The following PTCHD4 variants were observed in gnomAD, a reference collection of about 807,000 sequenced individuals.
PTCHD4 encodes patched domain containing 4.
In PTCHD4, 33 loss-of-function variants were observed where a neutral mutation model predicts 58.1. The observed-to-expected ratio is 0.57, with a 90% CI of 0.43 to 0.76. The LOEUF (loss-of-function observed/expected upper bound fraction) is 0.76. Ranked by LOEUF, PTCHD4 falls within the 30% of genes least tolerant of loss-of-function variation. The pLI, the probability that PTCHD4 is intolerant of heterozygous loss-of-function variation, is 0.00. For missense variants in PTCHD4, 1,058 were observed against 1,027.1 expected (o/e 1.03, Z -0.41); for synonymous variants, 478 against 409.6 (o/e 1.17, Z -2.02).
intron 4 of PTCHD4, among the ~76,000 whole-genome samples, chr6:47,926,931 A>T (rs1765642978): frequency 6.6e-6 from 1 of 152,192 alleles, no homozygotes; most frequent in Admixed American, 6.5e-5. Flanking sequence ...TTATTGAAAC[A>T]CTTGCACCAT....
In PTCHD4 at chr6:48,036,068, T is replaced by A. The variant is rs144882131; in HGVS notation, c.418-26954A>T. Among the ~76,000 whole-genome samples, 3 of 152,208 alleles carry A rather than the reference T, an allele frequency of 2.0e-5. No homozygotes were observed. The East Asian group carries it at 5.8e-4, about 29-fold the overall frequency. On this transcript the variant is annotated intron_variant, in intron 3 of 4. Coordinates refer to ENST00000339488, the MANE Select transcript of PTCHD4 (RefSeq NM_001384253.1). ...ACACCCTCGAGCTTGAGAATCACTG[T>A]CCTAGAGCTTCCTCCAGTGCTTGCA...
intron 4 of PTCHD4, among the ~76,000 whole-genome samples, chr6:47,986,595 C>G (rs964225647): frequency 6.6e-6 from 1 of 152,134 alleles, no homozygotes; most frequent in Non-Finnish European, 1.5e-5. Context: ...TTCTACCTGT[C>G]TTCAACTGCT....
At chr6:48,029,344 A>G (rs891081604) in intron 3 of PTCHD4, among the ~76,000 whole-genome samples, 5 of 152,054 alleles carry the variant, frequency 3.3e-5, no homozygotes, top group African/African-American at 1.2e-4. Flanking sequence ...CAAATCTCTG[A>G]TAACATTGAG....
In PTCHD4 at chr6:47,968,444, C is replaced by T. The variant is rs114884515; in HGVS notation, c.898+40190G>A. On this transcript the variant is annotated intron_variant, in intron 4 of 4. Coordinates refer to ENST00000339488, the MANE Select transcript of PTCHD4 (RefSeq NM_001384253.1). ...ATAACACAGATACATGAAATGAACA[C>T]GTGCTTTTGGAAAAATGGCACTGAT... Among the ~76,000 whole-genome samples, 1,068 of 152,110 alleles carry T rather than the reference C, an allele frequency of 7.0e-3. 14 individuals carry two copies. Among genetic ancestry groups the T allele is most frequent in the African/African-American group, 0.023 (957 of 41,502 alleles).
chr6:47,938,418 G>A (rs917126726), intron 4 of PTCHD4, among the ~76,000 whole-genome samples: 6 of 152,144 alleles, frequency 3.9e-5, no homozygotes, highest in Non-Finnish European at 7.4e-5. Flanking sequence ...AAAGGGATTA[G>A]ATAGAAGCCA....
At chr6:48,094,025 A>G (rs562595968) in intron 1 of PTCHD4, among the ~76,000 whole-genome samples, 2 of 152,330 alleles carry the variant, frequency 1.3e-5, no homozygotes, top group Admixed American at 1.3e-4. Flanking sequence ...AGGGGTGCAT[A>G]TGAATTGTTA....
chr6:47,997,269 A>G (rs1365945676), intron 4 of PTCHD4, among the ~76,000 whole-genome samples: 10 of 152,040 alleles, frequency 6.6e-5, no homozygotes, highest in Admixed American at 6.6e-4. Context: ...TTTGTGCTAA[A>G]AAGTAGTTTT....
chr6:47,942,255 C>A (rs1766259682), intron 4 of PTCHD4, among the ~76,000 whole-genome samples: 1 of 152,202 alleles, frequency 6.6e-6, no homozygotes, highest in Admixed American at 6.5e-5. Flanking sequence ...ACATCCTAGA[C>A]AATGACACCA....
chr6:48,107,647 A>G (rs1227171281), intron 1 of PTCHD4, among the ~76,000 whole-genome samples: 1 of 152,170 alleles, frequency 6.6e-6, no homozygotes, highest in Non-Finnish European at 1.5e-5. Context: ...AGAAACCACC[A>G]TCAGAGTGAA....
rs375961617 is a variant in PTCHD4, at chr6:47,907,687, G to C, written c.899-27751C>G. 2.0e-5 allele frequency among the ~76,000 whole-genome samples: 3 copies of C among 152,238 alleles called. No individual in the cohort carries two copies. The South Asian group carries it at 6.2e-4, about 32-fold the overall frequency. On this transcript the variant is annotated intron_variant, in intron 4 of 4. Coordinates refer to ENST00000339488, the MANE Select transcript of PTCHD4 (RefSeq NM_001384253.1). ...GGTCCAGCAGGATACCAATATTTTT[G>C]ACAATAGTCGCCCCATTCCAGCAAA...
At chr6:47,918,999 G>A (rs922393343) in intron 4 of PTCHD4, among the ~76,000 whole-genome samples, 4 of 152,126 alleles carry the variant, frequency 2.6e-5, no homozygotes, top group South Asian at 2.1e-4. Flanking sequence ...GACCGAACCC[G>A]TAGTGATAGC....
chr6:47,975,042 C>T (rs1399039074), intron 4 of PTCHD4, among the ~76,000 whole-genome samples: 2 of 152,188 alleles, frequency 1.3e-5, no homozygotes, highest in East Asian at 3.9e-4. Context: ...CTCATCTCCT[C>T]TGGGAAGCCT....
intron 3 of PTCHD4, among the ~76,000 whole-genome samples, chr6:48,010,475 A>C (rs971425623): frequency 6.6e-6 from 1 of 152,190 alleles, no homozygotes; most frequent in Non-Finnish European, 1.5e-5. Context: ...TTACATTTTT[A>C]ACATGTGACA....
intron 4 of PTCHD4, among the ~76,000 whole-genome samples, chr6:47,982,796 A>C (rs1284449293): frequency 1.3e-5 from 2 of 152,054 alleles, no homozygotes; most frequent in East Asian, 1.9e-4. Flanking sequence ...CGTCTGTTTT[A>C]TCTCTTTAGC....
rs1476970457 is a variant in PTCHD4, at chr6:48,008,688, T to A, written c.844A>T (p.Ile282Phe). Residue 282 changes from isoleucine (I) to phenylalanine (F), a missense_variant, in exon 4 of 5, where the codon ATC (isoleucine) becomes TTC (phenylalanine). Physicochemically the swap from Ile to Phe is conservative, Grantham distance 21. Transcript: ENST00000339488. ...GTGGAGTTGTACTTTCCATCGGTGA[T>A]GAAGAAGATCCCTGCTGCTGTGATG... ...SIITAAGIFF[I>F]TDGKYNSTLL... The A allele has an allele frequency of 6.2e-7, 1 of 1,613,674 alleles. No individual in the cohort carries two copies. Among genetic ancestry groups the A allele is most frequent in the Non-Finnish European group, 8.5e-7 (1 of 1,179,806 alleles).
At chr6:47,982,379 G>C (rs939971077) in intron 4 of PTCHD4, among the ~76,000 whole-genome samples, 1 of 151,302 alleles carries the variant, frequency 6.6e-6, no homozygotes, top group Admixed American at 6.6e-5. Context: ...TTTTATCTCT[G>C]TGCCTGTCAT....
At chr6:48,051,582 C>G (rs1276192385) in intron 3 of PTCHD4, among the ~76,000 whole-genome samples, 1 of 151,820 alleles carries the variant, frequency 6.6e-6, no homozygotes, top group African/African-American at 2.4e-5. Context: ...GTTTTTTCAT[C>G]TTAATATTTC....
rs1199149715 is a variant in PTCHD4, at chr6:47,873,845, AC to A, written c.*4457del. Among the ~76,000 whole-genome samples the A allele has an allele frequency of 2.0e-5, 3 of 151,674 alleles. No individual in the cohort carries two copies. Among genetic ancestry groups the A allele is most frequent in the African/African-American group, 2.4e-5 (1 of 41,378 alleles). On this transcript the variant is annotated 3_prime_UTR_variant, in exon 5 of 5. Transcript: ENST00000339488. ...TTTTGGTAATTGAGAAAAAGCTAAA[AC>A]TTTTTTTGTTTGTTTTTTGTTTGTA...
chr6:47,934,196 C>T lies in PTCHD4; in HGVS notation c.899-54260G>A, dbSNP rs192140642. 1.8e-3 allele frequency among the ~76,000 whole-genome samples: 270 copies of T among 152,202 alleles called. 2 individuals carry two copies. The highest frequency in any genetic ancestry group is 6.0e-3 in the African/African-American group (251 of 41,540). ...GTTTGCGGCAGGGAGGAGCCGGGACCCTCCTCTTCCTGTGTGGAACCTGGA... is the reference window on the plus strand; with the variant it reads ...GTTTGCGGCAGGGAGGAGCCGGGACTCTCCTCTTCCTGTGTGGAACCTGGA... On this transcript the variant is annotated intron_variant, in intron 4 of 4. Coordinates refer to ENST00000339488, the MANE Select transcript of PTCHD4 (RefSeq NM_001384253.1).
Sources: gnomAD v4.1 joint callset for allele counts (sites outside exome capture counted in the v4.1 genomes callset) on GRCh38, gnomAD v4.1.1 for gene constraint, MANE v1.5 for transcripts, NCBI Gene and HGNC (gene_info 2026-07-23, HGNC 2026-07-21) for gene names.